RNF38: variants seen among roughly 807,000 people sequenced by gnomAD.
The protein encoded by RNF38 is E3 ubiquitin-protein ligase RNF38.
In RNF38, 15 loss-of-function variants were observed where a neutral mutation model predicts 67.2. The ratio of observed to expected loss-of-function variants is 0.22; its 90% confidence interval spans 0.15 to 0.34. The LOEUF is 0.34. Ranked by LOEUF, RNF38 falls within the 10% of genes least tolerant of loss-of-function variation. The probability of loss-of-function intolerance (pLI) is 1.00; values close to 1 mark genes in which losing one functional copy is unlikely to be tolerated. For synonymous variants in RNF38, 220 were observed against 218.8 expected, an observed-to-expected ratio of 1.01 and a Z score of -0.05; for missense variants, 524 against 639.9, an observed-to-expected ratio of 0.82 and a Z score of 1.95.
intron 2 of RNF38, among the ~76,000 whole-genome samples, chr9:36,418,996 G>C (rs1838548755): frequency 6.6e-6 from 1 of 152,034 alleles, no homozygotes; most frequent in African/African-American, 2.4e-5. Flanking sequence ...AAAGTAAAAA[G>C]ATCAAGAAAA....
chr9:36,469,447 G>A (rs1445391315), intron 1 of RNF38, among the ~76,000 whole-genome samples: 1 of 151,660 alleles, frequency 6.6e-6, no homozygotes, highest in Non-Finnish European at 1.5e-5. Context: ...ATCACCTGAG[G>A]TCGGGAGTTT....
intron 1 of RNF38, among the ~76,000 whole-genome samples, chr9:36,456,342 C>G (rs774807695): frequency 1.3e-5 from 2 of 152,188 alleles, no homozygotes; most frequent in Non-Finnish European, 1.5e-5. Context: ...CAGGCGTGAG[C>G]CACAGTAGCT....
chr9:36,462,432 C>T lies in RNF38; in HGVS notation n.241+24876G>A, dbSNP rs1027206823. On this transcript the variant is annotated intron_variant and non_coding_transcript_variant, in intron 1 of 3. Transcript: ENST00000488058. ...GCCAGAAAGATCCTAGAAGGGAAGT[C>T]ATACCATATATCACCACTCCTCTGC... Among the ~76,000 whole-genome samples, 9 of 152,134 alleles carry T rather than the reference C, an allele frequency of 5.9e-5. 1 individual carries two copies. Among genetic ancestry groups the T allele is most frequent in the Admixed American group, 3.9e-4 (6 of 15,264 alleles).
chr9:36,390,648 T>C (rs368579643), intron 1 of RNF38, 32 bp from the exon 2 acceptor site: 7 of 1,610,524 alleles, frequency 4.3e-6, no homozygotes, highest in African/African-American at 1.3e-5. Context: ...GGATAGTTCA[T>C]GGCTAGCTGC....
intron 1 of RNF38, among the ~76,000 whole-genome samples, chr9:36,426,373 T>C (rs1194466514): frequency 2.6e-5 from 4 of 152,212 alleles, no homozygotes; most frequent in African/African-American, 7.2e-5. Context: ...CTCCAACTTC[T>C]GTGTATTTGC....
intron 2 of RNF38, among the ~76,000 whole-genome samples, chr9:36,409,307 A>AAAAGAAAG (rs752591229): frequency 2.0e-5 from 3 of 148,008 alleles, no homozygotes; most frequent in Non-Finnish European, 4.4e-5. Flanking sequence ...GAGAGAAAGA[A>AAAAGAAAG]AAAGAAAGAA....
chr9:36,454,184 C>T (rs1212889327), intron 1 of RNF38, among the ~76,000 whole-genome samples: 5 of 151,504 alleles, frequency 3.3e-5, no homozygotes, highest in South Asian at 2.1e-4. Flanking sequence ...AGTGCAGTGG[C>T]GCAATCTCGG....
chr9:36,480,983 G>GA (rs1165314992), intron 1 of RNF38, among the ~76,000 whole-genome samples: 1 of 150,812 alleles, frequency 6.6e-6, no homozygotes, highest in Admixed American at 6.6e-5. Context: ...CACAAAAGCA[G>GA]AAAATGCAGT....
intron 1 of RNF38, among the ~76,000 whole-genome samples, chr9:36,486,607 G>A (rs1313605508): frequency 1.3e-5 from 2 of 152,144 alleles, no homozygotes; most frequent in Non-Finnish European, 2.9e-5. Context: ...GGTTTAGTCA[G>A]TGCAGTGGTG....
chr9:36,420,569 C>T (rs1250934991), intron 2 of RNF38, among the ~76,000 whole-genome samples: 2 of 136,402 alleles, frequency 1.5e-5, no homozygotes, highest in East Asian at 4.3e-4. Context: ...TCTCCCAGTA[C>T]TTCTATGCCC....
intron 1 of RNF38, among the ~76,000 whole-genome samples, chr9:36,399,826 C>T (rs2480458): frequency 0.055 from 8,326 of 151,968 alleles, 708 homozygotes; most frequent in African/African-American, 0.18. Flanking sequence ...AAAAAATTTA[C>T]GGTAAATTTT....
upstream of RNF38, chr9:36,400,828 C>A: frequency 1.0e-6 from 1 of 985,238 alleles, no homozygotes; most frequent in Non-Finnish European, 1.2e-6. Context: ...TCTCCGCCCC[C>A]ACGCCCCAAC....
At chr9:36,423,017 A>C (rs2134237681) in intron 2 of RNF38, among the ~76,000 whole-genome samples, 1 of 152,300 alleles carries the variant, frequency 6.6e-6, no homozygotes, top group East Asian at 1.9e-4. Context: ...AAGAAAAAAA[A>C]TTTAACCCAA....
chr9:36,346,507 G>A lies in RNF38; in HGVS notation c.1264-1554C>T, dbSNP rs142359123. ...TGCCCAGCCAATTATTATGCTTATT[G>A]ATTTTACACCAGTACCTCCTTTCCT... On this transcript the variant is annotated intron_variant, in intron 9 of 11. Coordinates refer to ENST00000259605, the MANE Select transcript of RNF38 (RefSeq NM_022781.5). Among the ~76,000 whole-genome samples the A allele has an allele frequency of 1.2e-4, 19 of 152,172 alleles. No homozygotes were observed. In the East Asian group the frequency reaches 3.7e-3, roughly 29 times the overall value.
intron 1 of RNF38, among the ~76,000 whole-genome samples, chr9:36,447,501 A>C (rs1380582090): frequency 6.6e-6 from 1 of 152,220 alleles, no homozygotes; most frequent in Non-Finnish European, 1.5e-5. Flanking sequence ...ATCAGCAGTA[A>C]ATAGCTGCAC....
intron 2 of RNF38, among the ~76,000 whole-genome samples, chr9:36,385,069 T>C (rs920619681): frequency 6.6e-6 from 1 of 151,976 alleles, no homozygotes; most frequent in African/African-American, 2.4e-5. Flanking sequence ...TATGCTATGG[T>C]AGGTTGGCAT....
At chr9:36,460,817 G>C (rs894328591) in intron 1 of RNF38, among the ~76,000 whole-genome samples, 1 of 149,682 alleles carries the variant, frequency 6.7e-6, no homozygotes, top group African/African-American at 2.5e-5. Flanking sequence ...AACCCAGGAG[G>C]TGAAGGTTGC....
intron 2 of RNF38, among the ~76,000 whole-genome samples, chr9:36,383,352 C>G (rs908912356): frequency 6.6e-6 from 1 of 152,104 alleles, no homozygotes; most frequent in Non-Finnish European, 1.5e-5. Context: ...CAGGCGCGCA[C>G]CAGCCAATTT....
chr9:36,359,233 C>T (rs1424563785), intron 4 of RNF38, among the ~76,000 whole-genome samples: 1 of 150,356 alleles, frequency 6.7e-6, no homozygotes, highest in Non-Finnish European at 1.5e-5. Flanking sequence ...TATGTTTTAT[C>T]TTTTGATGAG....
Sources: allele counts gnomAD v4.1 joint callset (sites outside exome capture counted in the v4.1 genomes callset), GRCh38; gene constraint gnomAD v4.1.1; transcripts MANE v1.5; gene names NCBI Gene and HGNC (gene_info 2026-07-23, HGNC 2026-07-21).